TRIM24: variants seen among roughly 807,000 people sequenced by gnomAD.
TRIM24 encodes tripartite motif containing 24, also known as transcription intermediary factor 1-alpha.
Under a neutral mutation model 123.9 loss-of-function variants are expected in TRIM24, and 29 were observed. The ratio of observed to expected loss-of-function variants is 0.23; its 90% CI spans 0.17 to 0.32. TRIM24 has a LOEUF of 0.32. TRIM24 is among the 10% of genes least tolerant of loss of function. The probability of loss-of-function intolerance (pLI) is 1.00; values close to 1 mark genes in which losing one functional copy is unlikely to be tolerated. For synonymous variants in TRIM24, 456 were observed against 461.1 expected, an observed-to-expected ratio of 0.99 and a Z score of 0.14; for missense variants, 932 against 1,295.3, an observed-to-expected ratio of 0.72 and a Z score of 4.31.
At chr7:138,520,757 T>C (rs1474896820) in intron 4 of TRIM24, among the ~76,000 whole-genome samples, 1 of 152,122 alleles carries the variant, frequency 6.6e-6, no homozygotes, top group Admixed American at 6.6e-5. Context: ...AAGAACAGAT[T>C]TGGCCTAGCA....
chr7:138,484,544 C>T lies in TRIM24; in HGVS notation c.365-19746C>T, dbSNP rs1306389338. ...ATAAACTTTCCTAGGCAGAAGTCTA[C>T]TTTGTGATGGCATATTATTCTTTTC... On this transcript the variant is annotated intron_variant, in intron 1 of 18. Coordinates refer to ENST00000343526, the MANE Select transcript of TRIM24 (RefSeq NM_015905.3). Among the ~76,000 whole-genome samples the T allele has an allele frequency of 2.0e-5, 3 of 152,060 alleles. No homozygotes were observed. In the East Asian group the frequency reaches 5.8e-4, roughly 29 times the overall value.
intron 1 of TRIM24, among the ~76,000 whole-genome samples, chr7:138,481,116 C>A (rs1320122988): frequency 6.6e-6 from 1 of 152,112 alleles, no homozygotes; most frequent in Non-Finnish European, 1.5e-5. Context: ...CCTCAGCCTC[C>A]CGAGTAGTAG....
chr7:138,522,314 C>T (rs1173846919), intron 4 of TRIM24, among the ~76,000 whole-genome samples: 1 of 149,980 alleles, frequency 6.7e-6, no homozygotes, highest in African/African-American at 2.5e-5. Context: ...CTGGCCGAGG[C>T]GACAACAGCA....
intron 12 of TRIM24, among the ~76,000 whole-genome samples, chr7:138,574,844 T>C (rs1797723797): frequency 6.6e-6 from 1 of 152,106 alleles, no homozygotes; most frequent in South Asian, 2.1e-4. Flanking sequence ...GCTTGGAAAA[T>C]GTATGTACCC....
At chr7:138,466,726 G>A (rs558250090) in intron 1 of TRIM24, among the ~76,000 whole-genome samples, 1 of 151,998 alleles carries the variant, frequency 6.6e-6, no homozygotes, top group Non-Finnish European at 1.5e-5. Context: ...TCAGATACAT[G>A]TATTGCAGGT....
intron 7 of TRIM24, among the ~76,000 whole-genome samples, chr7:138,540,069 G>A (rs1301004809): frequency 6.6e-6 from 1 of 152,040 alleles, no homozygotes; most frequent in Non-Finnish European, 1.5e-5. Flanking sequence ...CAAAGTTCTG[G>A]GATTACAGGC....
At chr7:138,462,334 A>G (rs1795009585) in intron 1 of TRIM24, among the ~76,000 whole-genome samples, 1 of 151,482 alleles carries the variant, frequency 6.6e-6, no homozygotes, top group Non-Finnish European at 1.5e-5. Flanking sequence ...ACTAGTGCAA[A>G]AATCTTTTTT....
chr7:138,558,152 T>G (rs943884590), intron 9 of TRIM24, among the ~76,000 whole-genome samples: 2 of 151,998 alleles, frequency 1.3e-5, no homozygotes, highest in Non-Finnish European at 2.9e-5. Context: ...GGCCAGAGGG[T>G]GCCTGCCAGG....
intron 1 of TRIM24, among the ~76,000 whole-genome samples, chr7:138,500,967 T>TA (rs57771728): frequency 1.2e-3 from 181 of 147,606 alleles, no homozygotes; most frequent in African/African-American, 3.5e-3. Flanking sequence ...GTGTAAAAGA[T>TA]AAAAAAAAAA....
intron 7 of TRIM24, among the ~76,000 whole-genome samples, chr7:138,545,652 C>T (rs1040194626): frequency 6.6e-6 from 1 of 151,982 alleles, no homozygotes; most frequent in Non-Finnish European, 1.5e-5. Flanking sequence ...TGCTGCATCC[C>T]AATAGCAGTG....
intron 9 of TRIM24, among the ~76,000 whole-genome samples, chr7:138,566,348 TC>T (rs961252247): frequency 4.6e-5 from 7 of 152,090 alleles, no homozygotes; most frequent in Non-Finnish European, 7.4e-5. Flanking sequence ...AAACCCCATC[TC>T]TACTAAAAAT....
intron 1 of TRIM24, among the ~76,000 whole-genome samples, chr7:138,498,149 C>T (rs1584701161): frequency 6.6e-6 from 1 of 152,210 alleles, no homozygotes; most frequent in East Asian, 1.9e-4. Flanking sequence ...GCCTCTTGAT[C>T]CTGTCATTCA....
chr7:138,461,147 C>CGCCGCT, intron 1 of TRIM24: 1 of 701,428 alleles, frequency 1.4e-6, no homozygotes. Flanking sequence ...CCGCCGCCGC[C>CGCCGCT]GCCGCTGCTC....
intron 1 of TRIM24, among the ~76,000 whole-genome samples, chr7:138,486,364 G>A (rs574656213): frequency 6.6e-6 from 1 of 152,212 alleles, no homozygotes; most frequent in East Asian, 1.9e-4. Context: ...GTCTATTTTG[G>A]CTTTTGTTGC....
At chr7:138,553,701 T>C (rs1293550930) in intron 8 of TRIM24, among the ~76,000 whole-genome samples, 1 of 152,174 alleles carries the variant, frequency 6.6e-6, no homozygotes, top group Non-Finnish European at 1.5e-5. Context: ...TTGGGATTGT[T>C]TTTAGAGCCA....
intron 5 of TRIM24, among the ~76,000 whole-genome samples, chr7:138,527,987 C>G (rs565822636): frequency 1.9e-4 from 29 of 152,254 alleles, no homozygotes; most frequent in Non-Finnish European, 2.2e-4. Context: ...CTTACAGTGG[C>G]GTGAAGCATA....
chr7:138,504,291 T>C lies in TRIM24; in HGVS notation c.366T>C (p.Val122=), dbSNP rs763602502. Residue 122 remains valine (V), a splice_region_variant and synonymous_variant, in exon 2 of 19, where the codon GTT becomes GTC. Transcript: ENST00000343526. ...AGAATATAATTTTGTTTTTCCCAGT[T>C]GGAGTCATTCGTTGCCCAGTTTGCA... ...VSGSSPFATQ[V]GVIRCPVCSQ... The C allele has an allele frequency of 3.2e-6, 5 of 1,584,106 alleles. No individual in the cohort carries two copies. In the East Asian group the frequency reaches 1.1e-4, roughly 36 times the overall value.
chr7:138,570,718 C>T, intron 10 of TRIM24, 112 bp from the exon 11 acceptor site: 3 of 967,202 alleles, frequency 3.1e-6, no homozygotes, highest in South Asian at 1.9e-5. Flanking sequence ...CATTCTCCTT[C>T]CATGTAAATT....
intron 1 of TRIM24, among the ~76,000 whole-genome samples, chr7:138,474,128 C>CT (rs71177990): frequency 0.8 from 110,159 of 137,216 alleles, 44,586 homozygotes; most frequent in Non-Finnish European, 0.85. Flanking sequence ...TGTACTTTTT[C>CT]TTTTTTTTTT....
Sources: allele counts gnomAD v4.1 joint callset (sites outside exome capture counted in the v4.1 genomes callset), GRCh38; gene constraint gnomAD v4.1.1; transcripts MANE v1.5; gene names NCBI Gene and HGNC (gene_info 2026-07-23, HGNC 2026-07-21).